The following PKD1 variants were observed in gnomAD, a reference collection of about 807,000 sequenced individuals.
The protein encoded by PKD1 is polycystin 1, transient receptor potential channel interacting, also known as polycystin-1.
PKD1 carries 81 observed loss-of-function variants against 361.7 expected under a neutral mutation model. The ratio of observed to expected loss-of-function variants is 0.22; its 90% CI spans 0.19 to 0.27. The LOEUF (loss-of-function observed/expected upper bound fraction) is 0.27, where lower values mean the gene tolerates loss of function less well. Ranked by LOEUF, PKD1 falls within the 10% of genes least tolerant of loss-of-function variation. The pLI is 1.00. For synonymous variants in PKD1, 3,615 were observed against 2,818.3 expected (o/e 1.28, Z -8.95); for missense variants, 6,399 against 6,118.3 (o/e 1.05, Z -1.53).
rs567145434 is a variant in PKD1 at position 2,092,519 on chromosome 16, G to A, written c.11230C>T (p.Leu3744=). The change falls in exon 39 of 46, where the codon CTG becomes TTG. Residue 3744 remains leucine (L), a synonymous_variant. Coordinates refer to ENST00000262304, the MANE Select transcript of PKD1 (RefSeq NM_001009944.3). ...ACCTGCCGCAGCCGTGGGGGCCCCAGCTCTGGGCTGGACTGGTTCCCGTGG... is the reference window on the plus strand; with the variant it reads ...ACCTGCCGCAGCCGTGGGGGCCCCAACTCTGGGCTGGACTGGTTCCCGTGG... ...YVHGNQSSPE[L]GPPRLRQVRL... The A allele has an allele frequency of 6.2e-6, 10 of 1,612,640 alleles. No homozygotes were observed. In the Admixed American group the frequency reaches 1.7e-4, roughly 27 times the overall value.
At chr16:2,108,156 G>A (rs2151784884) in intron 15 of PKD1, 96 bp downstream of exon 15, 30 of 1,468,892 alleles carry the variant, frequency 2.0e-5, no homozygotes, top group Non-Finnish European at 2.8e-5. Context: ...ACCAGGCACT[G>A]AGGACGGGCC....
chr16:2,089,324 G>A lies in PKD1; in HGVS notation c.*403C>T, dbSNP rs1596469199. On this transcript the variant is annotated 3_prime_UTR_variant, in exon 46 of 46. Coordinates refer to ENST00000262304, the MANE Select transcript of PKD1 (RefSeq NM_001009944.3). Reference sequence around the variant, plus strand: ...TGAGACGGTGCAGGGAGTACGGTAGGAACTGGAGAGGTAATAACTTAGGGG... The same window carrying A: ...TGAGACGGTGCAGGGAGTACGGTAGAAACTGGAGAGGTAATAACTTAGGGG... 2 of 300,934 alleles carry A rather than the reference G, an allele frequency of 6.6e-6. No individual in the cohort carries two copies. The highest frequency in any genetic ancestry group is 1.3e-5 in the Non-Finnish European group (2 of 159,418). The allele number at this position is 300,934 out of a possible 1,614,324, so 18.6% of individuals were successfully genotyped here. A position where few individuals can be genotyped will look rare whatever the true frequency, so the allele number is the denominator to read the frequency against.
At position 2,093,801 on chromosome 16, in the gene PKD1, G is replaced by GC. The variant is rs1478149038; in HGVS notation, c.10821+9dup. 13 of 1,554,178 alleles carry GC rather than the reference G, an allele frequency of 8.4e-6. No homozygotes were observed. The highest frequency in any genetic ancestry group is 1.4e-5 in the African/African-American group (1 of 73,524). On this transcript the variant is annotated intron_variant, in intron 36 of 45. Transcript: ENST00000262304. Reference sequence around the variant, plus strand: ...GGAGGCCTGTAGCCTACCCCTGGCAGCCCCCTCACCTTCAGTGGCTCCCAG... The same window carrying GC: ...GGAGGCCTGTAGCCTACCCCTGGCAGCCCCCCTCACCTTCAGTGGCTCCCAG...
At chr16:2,124,289 G>A (rs1459520403) in intron 1 of PKD1, among the ~76,000 whole-genome samples, 9 of 152,220 alleles carry the variant, frequency 5.9e-5, no homozygotes, top group African/African-American at 1.2e-4. Context: ...CCCGCCACCC[G>A]GGCGTGTGAA....
At chr16:2,095,977 T>G (rs2091829819) in intron 34 of PKD1, among the ~76,000 whole-genome samples, 1 of 152,236 alleles carries the variant, frequency 6.6e-6, no homozygotes, top group East Asian at 1.9e-4. Context: ...TTATCTGCCT[T>G]TTGTAAATCA....
Position 2,094,100 on chromosome 16 carries a change from G to A in PKD1, c.10610C>T (p.Ser3537Phe). The part of the protein sequence containing the change: ...NWEQPQAARL[S>F]RTGLVEGLRK... ...GGGCTACGCAAGCACACCTGTCCTG[G>A]ACAGCCTCGCTGCCTGGGGCTGTTC... The change falls in exon 35 of 46, where the codon TCC becomes TTC. Residue 3537 changes from serine to phenylalanine, a missense_variant. Transcript: ENST00000262304. The A allele has an allele frequency of 6.3e-7, 1 of 1,590,842 alleles. No individual in the cohort carries two copies. The highest frequency in any genetic ancestry group is 2.3e-5 in the East Asian group (1 of 43,978).
rs2092261381 is a variant in PKD1 at position 2,104,567 on chromosome 16, G to A, written c.8092C>T (p.Leu2698=). ...GTGCCCGCGGTGGTCTCTGCCTGCA[G>A]GATGAGCATCATGGCCTCCAGCTTG... ...LHKLEAMMLI[L]QAETTAGTVT... The change falls in exon 22 of 46, where the codon CTG becomes TTG. Residue 2698 remains leucine (L), a synonymous_variant. Coordinates refer to ENST00000262304, the MANE Select transcript of PKD1 (RefSeq NM_001009944.3). The A allele has an allele frequency of 3.1e-6, 5 of 1,601,788 alleles. No individual in the cohort carries two copies. The South Asian group carries it at 3.3e-5, about 11-fold the overall frequency.
chr16:2,128,361 AGCACCCAAGCAGCT>A, intron 1 of PKD1, among the ~76,000 whole-genome samples: 1 of 149,110 alleles, frequency 6.7e-6, no homozygotes, highest in Middle Eastern at 3.5e-3. Context: ...AGGGGCTGGC[AGCACCCAAGCAGCT>A]GCACCTGGGC....
At chr16:2,131,456 T>C (rs2432385) in intron 1 of PKD1, among the ~76,000 whole-genome samples, 3 of 150,930 alleles carry the variant, frequency 2.0e-5, no homozygotes, top group African/African-American at 7.3e-5. Flanking sequence ...TGCAGTGAGC[T>C]GAGATGGCAC....
chr16:2,092,849 C>G, intron 38 of PKD1, 105 bp downstream of exon 38: 1 of 1,385,974 alleles, frequency 7.2e-7, no homozygotes, highest in Non-Finnish European at 1.0e-6. Flanking sequence ...CCAGTTCTAG[C>G]AGCCACAAAG....
At position 2,099,767 on chromosome 16, in the gene PKD1, C is replaced by G. The variant is rs773782376; in HGVS notation, c.9927G>C (p.Thr3309=). Residue 3309 remains threonine, a synonymous_variant, in exon 30 of 46, where the codon ACG becomes ACC. Coordinates refer to ENST00000262304, the MANE Select transcript of PKD1 (RefSeq NM_001009944.3). ...GCGGGCTCAGCCTGGACACATGCCC[C>G]GTGCTGTGTGGAGGAGAGGAGGCCA... ...YGAVGDSAYS[T]GHVSRLSPLS... is the part of the protein sequence containing the mutation. 6.4e-7 allele frequency: 1 copy of G among 1,554,004 alleles called. No homozygotes were observed. The highest frequency in any genetic ancestry group is 8.7e-7 in the Non-Finnish European group (1 of 1,149,064).
At chr16:2,119,004 C>T in intron 3 of PKD1, 110 bp downstream of exon 3, 1 of 915,342 alleles carries the variant, frequency 1.1e-6, no homozygotes, top group East Asian at 2.6e-5. Flanking sequence ...TGAACTGCCC[C>T]CAGGATCTGG....
rs150930448 is a variant in PKD1 at position 2,103,276 on chromosome 16, C to T, written c.8781G>A (p.Thr2927=). 207 of 1,609,720 alleles carry T rather than the reference C, an allele frequency of 1.3e-4. 1 individual carries two copies. Among genetic ancestry groups the T allele is most frequent in the Non-Finnish European group, 1.0e-4 (120 of 1,179,680 alleles). Residue 2927 remains threonine (T), a synonymous_variant, in exon 23 of 46, where the codon ACG becomes ACA. Coordinates refer to ENST00000262304, the MANE Select transcript of PKD1 (RefSeq NM_001009944.3). ...AAGLHLQLNY[T]LLDGHYLSEE... is the part of the protein sequence containing the mutation. ...ACCCGCTGCACGCACCGTCCAGCAG[C>T]GTATAGTTGAGCTGCAGATGCAGCC...
In PKD1 at chr16:2,110,431, C is replaced by T. The variant is rs541777274; in HGVS notation, c.4736G>A (p.Arg1579His). The change falls in exon 15 of 46, where the codon CGC becomes CAC. Residue 1579 changes from arginine to histidine, a missense_variant. Arg to His is a conservative substitution (Grantham distance 29). Coordinates refer to ENST00000262304, the MANE Select transcript of PKD1 (RefSeq NM_001009944.3). ...STSLEAGSDV[R>H]YSWVLCDRCT... ...GCGGTCACAGAGCACCCAGGAATAG[C>T]GCACATCACTGCCGGCCTCCAGCGA... 7.4e-6 allele frequency: 12 copies of T among 1,612,582 alleles called. No homozygotes were observed. In the East Asian group the frequency reaches 8.9e-5, roughly 12 times the overall value.
intron 14 of PKD1, 100 bp downstream of exon 14, chr16:2,112,240 G>A (rs2092531599): frequency 9.7e-7 from 1 of 1,028,998 alleles, no homozygotes; most frequent in Non-Finnish European, 1.5e-6. Context: ...TCACAGTGAG[G>A]GCTGTTGGGG....
Position 2,090,820 on chromosome 16 carries a change from A to C in PKD1, c.12004-12T>G, listed in dbSNP as rs2091476887. ...AGCTGCTGGGCAGCCTGCGGACGAG[A>C]AATCTGTCTGCTTGCAGCCCTGGGG... is the stretch of plus-strand genomic sequence containing the variant. On this transcript the variant is annotated splice_polypyrimidine_tract_variant and intron_variant, in intron 43 of 45. Transcript: ENST00000262304. 14 of 1,612,126 alleles carry C rather than the reference A, an allele frequency of 8.7e-6. No individual in the cohort carries two copies. Among genetic ancestry groups the C allele is most frequent in the Non-Finnish European group, 1.2e-5 (14 of 1,179,930 alleles).
intron 9 of PKD1, 97 bp from the exon 10 acceptor site, chr16:2,115,722 G>C: frequency 8.1e-7 from 1 of 1,231,404 alleles, no homozygotes; most frequent in Non-Finnish European, 1.1e-6. Flanking sequence ...CTTGCTGTGA[G>C]GACAGGTCTC....
rs530066894 is a variant in PKD1 at position 2,111,783 on chromosome 16, G to A, written c.3384C>T (p.Ser1128=). Residue 1128 remains serine (S), a synonymous_variant, in exon 15 of 46, where the codon TCC becomes TCT. Coordinates refer to ENST00000262304, the MANE Select transcript of PKD1 (RefSeq NM_001009944.3). ...VPVSVRASLP[S]VAVGVSDGVL... ...CGCCGTCACTCACACCCACAGCCACGGAGGGCAGGGAGGCGCGCACGCTCA... is the reference window on the plus strand; with the variant it reads ...CGCCGTCACTCACACCCACAGCCACAGAGGGCAGGGAGGCGCGCACGCTCA... 4.2e-5 allele frequency: 67 copies of A among 1,608,364 alleles called. No individual in the cohort carries two copies. Among genetic ancestry groups the A allele is most frequent in the South Asian group, 3.6e-4 (33 of 90,642 alleles).
At position 2,125,336 on chromosome 16, in the gene PKD1, C is replaced by G. The variant is rs911850933; in HGVS notation, c.216-5958G>C. Among the ~76,000 whole-genome samples, 6 of 152,298 alleles carry G rather than the reference C, an allele frequency of 3.9e-5. No individual in the cohort carries two copies. In the South Asian group the frequency reaches 6.2e-4, roughly 16 times the overall value. ...GGGGTGGGGGTGGCAGCCTCTGATA[C>G]AGGACGAGGCTGCCAGGCCCCAAGC... On this transcript the variant is annotated intron_variant, in intron 1 of 45. Coordinates refer to ENST00000262304, the MANE Select transcript of PKD1 (RefSeq NM_001009944.3).
Sources: allele counts gnomAD v4.1 joint callset (sites outside exome capture counted in the v4.1 genomes callset), GRCh38; gene constraint gnomAD v4.1.1; transcripts MANE v1.5; gene names NCBI Gene and HGNC (gene_info 2026-07-23, HGNC 2026-07-21).